The following JAM3 variants were observed in gnomAD, a reference collection of about 807,000 sequenced individuals.
The protein encoded by JAM3 is junctional adhesion molecule 3.
In JAM3, 31 loss-of-function variants were observed where a neutral mutation model predicts 39.4. That is an observed-to-expected ratio of 0.79 (90% CI 0.59 to 1.06). The LOEUF (loss-of-function observed/expected upper bound fraction) is 1.06, where lower values mean the gene tolerates loss of function less well. Ranked by LOEUF, JAM3 falls within the 50% of genes least tolerant of loss-of-function variation. The pLI is 0.00. For missense variants in JAM3, 455 were observed against 391.4 expected (o/e 1.16, Z -1.37); for synonymous variants, 182 against 148.7 (o/e 1.22, Z -1.63).
intron 1 of JAM3, among the ~76,000 whole-genome samples, chr11:134,107,440 CCTG>C (rs1459784455): frequency 1.3e-5 from 2 of 151,984 alleles, no homozygotes; most frequent in Non-Finnish European, 2.9e-5. Flanking sequence ...GTGTAACAAA[CCTG>C]CACGTTGTAC....
intron 1 of JAM3, among the ~76,000 whole-genome samples, chr11:134,089,418 G>A (rs902570900): frequency 1.4e-4 from 22 of 152,030 alleles, no homozygotes; most frequent in Admixed American, 5.9e-4. Flanking sequence ...CCAGTAACTC[G>A]TCATTTAACA....
At chr11:134,076,499 T>C (rs1941572884) in intron 1 of JAM3, among the ~76,000 whole-genome samples, 1 of 152,220 alleles carries the variant, frequency 6.6e-6, no homozygotes, top group African/African-American at 2.4e-5. Flanking sequence ...AGCTGTTTTG[T>C]ATTCCATATG....
chr11:134,147,579 C>T (rs988730216), intron 6 of JAM3, among the ~76,000 whole-genome samples: 3 of 151,768 alleles, frequency 2.0e-5, no homozygotes, highest in African/African-American at 4.8e-5. Flanking sequence ...CTCCGCCTCC[C>T]GGGTTCACAC....
intron 1 of JAM3, among the ~76,000 whole-genome samples, chr11:134,092,457 C>T (rs1474211681): frequency 1.5e-5 from 2 of 131,574 alleles, no homozygotes; most frequent in Non-Finnish European, 3.2e-5. Flanking sequence ...TCTCCTGAAC[C>T]CTCCTTATTC....
chr11:134,088,404 T>A (rs892688086), intron 1 of JAM3, among the ~76,000 whole-genome samples: 7 of 150,512 alleles, frequency 4.7e-5, no homozygotes, highest in Non-Finnish European at 8.9e-5. Context: ...TTTTTTTTTT[T>A]ATTTTTTATT....
intron 1 of JAM3, among the ~76,000 whole-genome samples, chr11:134,110,289 A>G (rs1942284726): frequency 6.6e-6 from 1 of 152,228 alleles, no homozygotes; most frequent in Admixed American, 6.5e-5. Flanking sequence ...TATTTGATTC[A>G]GTTATTATAC....
chr11:134,082,204 C>G (rs1330726958), intron 1 of JAM3, among the ~76,000 whole-genome samples: 1 of 152,226 alleles, frequency 6.6e-6, no homozygotes, highest in East Asian at 1.9e-4. Context: ...CACATTGTAT[C>G]TGGGAAGTAA....
chr11:134,148,954 TAACACACACACACACACACACACA>T (rs1943133569), intron 8 of JAM3, 136 bp downstream of exon 8: 1 of 757,362 alleles, frequency 1.3e-6, no homozygotes, highest in East Asian at 2.9e-5. Flanking sequence ...CCCTTCACAG[TAACACACACACACACACACACACA>T]CACACACACA....
At chr11:134,093,323 T>G (rs80231930) in intron 1 of JAM3, among the ~76,000 whole-genome samples, 4,570 of 132,988 alleles carry the variant, frequency 0.034, 449 homozygotes, top group Non-Finnish European at 0.052. Context: ...TTGTTCCATC[T>G]TACATGTCAC....
intron 1 of JAM3, among the ~76,000 whole-genome samples, chr11:134,096,160 A>G (rs1941979042): frequency 6.6e-6 from 1 of 152,066 alleles, no homozygotes; most frequent in Non-Finnish European, 1.5e-5. Flanking sequence ...TATTTTTAGT[A>G]GAGACGGGGT....
At position 134,133,553 on chromosome 11, in the gene JAM3, A is replaced by G. The variant is rs148001286; in HGVS notation, c.77-6298A>G. On this transcript the variant is annotated intron_variant, in intron 1 of 8. Coordinates refer to ENST00000299106, the MANE Select transcript of JAM3 (RefSeq NM_032801.5). The stretch of plus-strand genomic sequence containing the variant: ...TTTTTCTGCATTAGTTGGGATGATC[A>G]TGTCATCCCAACTTTATTAATATGT... Among the ~76,000 whole-genome samples, 159 of 152,276 alleles carry G rather than the reference A, an allele frequency of 1.0e-3. 2 individuals carry two copies. The East Asian group carries it at 0.016, about 15-fold the overall frequency.
chr11:134,076,792 C>T (rs1043774487), intron 1 of JAM3, among the ~76,000 whole-genome samples: 2 of 149,798 alleles, frequency 1.3e-5, no homozygotes, highest in African/African-American at 2.4e-5. Context: ...CGACCTCAGC[C>T]TCCCAAATAG....
chr11:134,107,079 A>G (rs1265572213), intron 1 of JAM3, among the ~76,000 whole-genome samples: 1 of 152,210 alleles, frequency 6.6e-6, no homozygotes, highest in Non-Finnish European at 1.5e-5. Flanking sequence ...CCTGGAACCA[A>G]CCCAAATGTC....
chr11:134,106,375 A>G (rs915034772), intron 1 of JAM3, among the ~76,000 whole-genome samples: 2 of 152,094 alleles, frequency 1.3e-5, no homozygotes, highest in African/African-American at 4.8e-5. Context: ...TAAATGTTAG[A>G]CCTAAAACCA....
intron 1 of JAM3, among the ~76,000 whole-genome samples, chr11:134,100,598 A>G (rs1293924972): frequency 6.6e-6 from 1 of 152,184 alleles, no homozygotes; most frequent in Non-Finnish European, 1.5e-5. Context: ...TCTGTACACC[A>G]CTGAAATCTC....
At chr11:134,130,906 T>C (rs1427440389) in intron 1 of JAM3, among the ~76,000 whole-genome samples, 1 of 152,202 alleles carries the variant, frequency 6.6e-6, no homozygotes, top group East Asian at 1.9e-4. Context: ...TGGGCACTGC[T>C]ATTAAAAGCT....
At chr11:134,110,836 C>T (rs926394289) in intron 1 of JAM3, among the ~76,000 whole-genome samples, 10 of 152,050 alleles carry the variant, frequency 6.6e-5, no homozygotes, top group African/African-American at 2.4e-4. Flanking sequence ...AATATGTGCA[C>T]TTTATATGTC....
chr11:134,125,151 C>T (rs187844535), intron 1 of JAM3, among the ~76,000 whole-genome samples: 22 of 152,350 alleles, frequency 1.4e-4, no homozygotes, highest in Admixed American at 9.1e-4. Context: ...GGACGGACAA[C>T]GGCTACAGCC....
At chr11:134,090,405 C>T (rs923947373) in intron 1 of JAM3, among the ~76,000 whole-genome samples, 2 of 151,984 alleles carry the variant, frequency 1.3e-5, no homozygotes, top group Non-Finnish European at 2.9e-5. Flanking sequence ...AATGGTATTG[C>T]CTAGGTTTTC....
Sources: allele counts gnomAD v4.1 joint callset (sites outside exome capture counted in the v4.1 genomes callset), GRCh38; gene constraint gnomAD v4.1.1; transcripts MANE v1.5; gene names NCBI Gene and HGNC (gene_info 2026-07-23, HGNC 2026-07-21).